CLNK: variants seen among roughly 807,000 people sequenced by gnomAD.
CLNK encodes cytokine-dependent hematopoietic cell linker.
In CLNK, 74 loss-of-function variants were observed where a neutral mutation model predicts 68.6. That is an observed-to-expected ratio of 1.08 (90% confidence interval 0.89 to 1.31). CLNK has a LOEUF of 1.31. Ranked by LOEUF, CLNK falls within the 50% of genes most tolerant of loss-of-function variation. The pLI, the probability that CLNK is intolerant of heterozygous loss-of-function variation, is 0.00. For missense variants in CLNK, 553 were observed against 515.3 expected (o/e 1.07, Z -0.71); for synonymous variants, 198 against 172.2 (o/e 1.15, Z -1.17).
chr4:10,515,901 AG>A (rs1717814974), intron 15 of CLNK, among the ~76,000 whole-genome samples: 1 of 152,226 alleles, frequency 6.6e-6, no homozygotes, highest in African/African-American at 2.4e-5. Context: ...GGGATTTTAC[AG>A]TAGCAGAATA....
chr4:10,629,559 G>A (rs1722805698), intron 2 of CLNK, among the ~76,000 whole-genome samples: 1 of 152,150 alleles, frequency 6.6e-6, no homozygotes, highest in Admixed American at 6.5e-5. Flanking sequence ...ATCTGCGAGG[G>A]GACGCCCACA....
chr4:10,490,492 A>G lies in CLNK; in HGVS notation c.1262T>C (p.Leu421Pro), dbSNP rs376869195. The change falls in exon 19 of 19, where the codon CTC becomes CCC. Residue 421 changes from leucine (L) to proline (P), a missense_variant. Physicochemically the swap from Leu to Pro is moderately conservative, Grantham distance 98. Coordinates refer to ENST00000226951, the MANE Select transcript of CLNK (RefSeq NM_052964.4). ...KQCHLTQPLP[L>P]TRHLLPL ...CTACAGAGGCAAGAGGTGTCTGGTG[A>G]GAGGGAGTGGCTGAGTGAGGTGACA... 1 of 1,613,540 alleles carries G rather than the reference A, an allele frequency of 6.2e-7. No homozygotes were observed. The highest frequency in any genetic ancestry group is 8.5e-7 in the Non-Finnish European group (1 of 1,179,736).
At chr4:10,540,893 C>G (rs1012921844) in intron 10 of CLNK, among the ~76,000 whole-genome samples, 2 of 152,014 alleles carry the variant, frequency 1.3e-5, no homozygotes, top group African/African-American at 4.8e-5. Context: ...GACTGGCAGA[C>G]CTGAGTTTTT....
At chr4:10,511,551 A>G (rs1189552069) in intron 16 of CLNK, among the ~76,000 whole-genome samples, 1 of 152,082 alleles carries the variant, frequency 6.6e-6, no homozygotes, top group Non-Finnish European at 1.5e-5. Flanking sequence ...CCCAGTTACC[A>G]CCATCCTACC....
At chr4:10,586,384 T>G (rs962507534) in intron 3 of CLNK, among the ~76,000 whole-genome samples, 1 of 143,384 alleles carries the variant, frequency 7.0e-6, no homozygotes, top group Non-Finnish European at 1.5e-5. Context: ...CAGGCTGGAG[T>G]GCAGTGGTAC....
chr4:10,530,556 G>T (rs1044427379), intron 12 of CLNK, among the ~76,000 whole-genome samples: 2 of 152,198 alleles, frequency 1.3e-5, no homozygotes, highest in Non-Finnish European at 2.9e-5. Context: ...ACTTCTAGCA[G>T]AATGCCAACT....
the CLNK span, among the ~76,000 whole-genome samples, chr4:10,689,960 T>C: frequency 6.6e-6 from 1 of 151,962 alleles, no homozygotes; most frequent in African/African-American, 2.4e-5. Context: ...TCCCCACAAT[T>C]AGCTGTGATT....
the CLNK span, chr4:10,697,551 G>C: frequency 6.6e-6 from 1 of 152,184 alleles, no homozygotes; most frequent in African/African-American, 2.4e-5. Flanking sequence ...GTGTGAGAGA[G>C]AAAAGAATTA....
chr4:10,699,513 T>TATATATATATA, the CLNK span, among the ~76,000 whole-genome samples: 13 of 62,036 alleles, frequency 2.1e-4, no homozygotes, highest in African/African-American at 5.7e-4. Context: ...TATATATATA[T>TATATATATATA]TTTTTTTTTT....
chr4:10,578,884 C>T (rs1412350478), intron 4 of CLNK, among the ~76,000 whole-genome samples: 1 of 152,136 alleles, frequency 6.6e-6, no homozygotes, highest in Non-Finnish European at 1.5e-5. Flanking sequence ...TTTACCTTAT[C>T]TATACAGTGA....
the CLNK span, among the ~76,000 whole-genome samples, chr4:10,712,708 T>G: frequency 1.3e-5 from 2 of 152,364 alleles, no homozygotes; most frequent in South Asian, 4.1e-4. Context: ...CAGAGTCATG[T>G]AGCCAGGGAC....
the CLNK span, among the ~76,000 whole-genome samples, chr4:10,730,726 A>G: frequency 6.6e-6 from 1 of 152,320 alleles, no homozygotes; most frequent in South Asian, 2.1e-4. Flanking sequence ...AGAGTTTCAT[A>G]TGGGTCTATT....
chr4:10,702,911 G>A, the CLNK span, among the ~76,000 whole-genome samples: 1 of 152,116 alleles, frequency 6.6e-6, no homozygotes, highest in Non-Finnish European at 1.5e-5. Context: ...AACAGAGGGA[G>A]AAATCTGAGG....
intron 18 of CLNK, among the ~76,000 whole-genome samples, chr4:10,499,505 C>T (rs775069858): frequency 1.3e-5 from 2 of 152,230 alleles, no homozygotes; most frequent in Non-Finnish European, 2.9e-5. Flanking sequence ...GGGATTTAAG[C>T]TGGAATCTTT....
At chr4:10,678,119 A>G (rs1724946865) in intron 1 of CLNK, among the ~76,000 whole-genome samples, 1 of 152,126 alleles carries the variant, frequency 6.6e-6, no homozygotes, top group South Asian at 2.1e-4. Flanking sequence ...ATAATTAACT[A>G]TTTCTTTTTC....
chr4:10,721,183 G>C, the CLNK span, among the ~76,000 whole-genome samples: 1 of 73,004 alleles, frequency 1.4e-5, no homozygotes, highest in African/African-American at 6.0e-5. Context: ...GCTCTGAGGA[G>C]GGAGTTGGGG....
intron 3 of CLNK, among the ~76,000 whole-genome samples, chr4:10,592,580 C>T (rs1292179589): frequency 6.6e-6 from 1 of 151,932 alleles, no homozygotes; most frequent in Non-Finnish European, 1.5e-5. Context: ...TCTCGGTATA[C>T]TACAGATCAA....
At chr4:10,635,521 T>A (rs558410618) in intron 2 of CLNK, among the ~76,000 whole-genome samples, 1 of 152,242 alleles carries the variant, frequency 6.6e-6, no homozygotes, top group East Asian at 1.9e-4. Flanking sequence ...CTCCACCATC[T>A]GTGCTGGATG....
At chr4:10,650,226 T>C (rs748597052) in intron 2 of CLNK, among the ~76,000 whole-genome samples, 4 of 152,080 alleles carry the variant, frequency 2.6e-5, no homozygotes, top group Non-Finnish European at 5.9e-5. Context: ...AGTGAAGAAA[T>C]AGAAACTCTG....
Sources: gnomAD v4.1 joint callset for allele counts (sites outside exome capture counted in the v4.1 genomes callset) on GRCh38, gnomAD v4.1.1 for gene constraint, MANE v1.5 for transcripts, NCBI Gene and HGNC (gene_info 2026-07-23, HGNC 2026-07-21) for gene names.